Variants in TLNRD1 observed in about 807,000 individuals in gnomAD.
TLNRD1 encodes the protein talin rod domain-containing protein 1.
TLNRD1 carries 14 observed loss-of-function variants against 19.5 expected under a neutral mutation model. The observed-to-expected ratio is 0.72, with a 90% CI of 0.47 to 1.12. The LOEUF (loss-of-function observed/expected upper bound fraction) is 1.12. Ranked by LOEUF, TLNRD1 falls within the 50% of genes most tolerant of loss-of-function variation. The pLI is 0.00. For synonymous variants in TLNRD1, 345 were observed against 261.7 expected (o/e 1.32, Z -3.07); for missense variants, 569 against 531.9 (o/e 1.07, Z -0.69).
At position 81,003,288 on chromosome 15, in the gene TLNRD1, G is replaced by A. The variant is rs1200711605; in HGVS notation, c.1017G>A (p.Leu339=). The A allele has an allele frequency of 6.2e-7, 1 of 1,611,652 alleles. No individual in the cohort carries two copies. Among genetic ancestry groups the A allele is most frequent in the South Asian group, 1.1e-5 (1 of 90,558 alleles). ...SACAVSEGCT[L]LSQALRERSS... Reference sequence around the variant, plus strand: ...GCGCCGTGTCTGAAGGCTGCACCCTGCTATCTCAGGCTTTAAGGGAGAGGT... The same window carrying A: ...GCGCCGTGTCTGAAGGCTGCACCCTACTATCTCAGGCTTTAAGGGAGAGGT... The change falls in exon 1 of 1, where the codon CTG becomes CTA. Residue 339 remains leucine, a synonymous_variant. Coordinates refer to ENST00000267984, the MANE Select transcript of TLNRD1 (RefSeq NM_022566.3).
rs751041111 is a variant in TLNRD1, at chr15:81,003,368, C to T, written c.*8C>T. 3.8e-5 allele frequency: 60 copies of T among 1,580,496 alleles called. No homozygotes were observed. The East Asian group carries it at 1.1e-3, about 29-fold the overall frequency. On this transcript the variant is annotated 3_prime_UTR_variant, in exon 1 of 1. Transcript: ENST00000267984. ...TCCAATTCTGTGAATTAGCACCCCA[C>T]CCCCATACCCCTTCTTCCACCCCCA...
In TLNRD1 at chr15:81,002,828, G is replaced by T. The variant is rs769259302; in HGVS notation, c.557G>T (p.Gly186Val). The T allele has an allele frequency of 1.9e-6, 3 of 1,589,254 alleles. No individual in the cohort carries two copies. In the Admixed American group the frequency reaches 5.1e-5, roughly 27 times the overall value. The stretch of plus-strand genomic sequence containing the variant: ...CAGCTGCTGCTGGAGGTGTCGCAGG[G>T]CCTGTCGCGCAACCTCAAGTTCCTG... ...TPQLLLEVSQGLSRNLKFLTD... is the reference protein window; with the variant it reads ...TPQLLLEVSQVLSRNLKFLTD... Residue 186 changes from glycine to valine, a missense_variant, in exon 1 of 1, where the codon GGC (glycine) becomes GTC (valine). Gly to Val is a moderately radical substitution (Grantham distance 109). Coordinates refer to ENST00000267984, the MANE Select transcript of TLNRD1 (RefSeq NM_022566.3).
chr15:81,002,922 C>T lies in TLNRD1; in HGVS notation c.651C>T (p.Gly217=). 6.3e-7 allele frequency: 1 copy of T among 1,597,022 alleles called. No individual in the cohort carries two copies. The highest frequency in any genetic ancestry group is 8.5e-7 in the Non-Finnish European group (1 of 1,178,578). The change falls in exon 1 of 1, where the codon GGC becomes GGT. Residue 217 remains glycine (G), a synonymous_variant. Coordinates refer to ENST00000267984, the MANE Select transcript of TLNRD1 (RefSeq NM_022566.3). ...DRFSREQFKL[G]VKCMSTSASA... ...TTTCGCGGGAGCAGTTCAAGCTGGG[C>T]GTCAAGTGCATGAGCACCAGCGCGT...
chr15:81,002,461 G>A lies in TLNRD1; in HGVS notation c.190G>A (p.Gly64Ser). 1 of 1,522,016 alleles carries A rather than the reference G, an allele frequency of 6.6e-7. No homozygotes were observed. The highest frequency in any genetic ancestry group is 8.8e-7 in the Non-Finnish European group (1 of 1,141,170). 94.3% of individuals were successfully genotyped at this position (1,522,016 alleles called of 1,614,324 possible). The change falls in exon 1 of 1, where the codon GGC (glycine) becomes AGC (serine). Residue 64 changes from glycine to serine, a missense_variant. Physicochemically the swap from Gly to Ser is moderately conservative, Grantham distance 56. Coordinates refer to ENST00000267984, the MANE Select transcript of TLNRD1 (RefSeq NM_022566.3). ...SSEARPVLFE[G>S]PASSGAGAES... ...CGAGGCGCGGCCCGTGCTCTTCGAG[G>A]GCCCCGCCTCCTCTGGTGCCGGCGC...
At position 81,003,427 on chromosome 15, in the gene TLNRD1, C is replaced by T; in HGVS notation, c.*67C>T. ...GAAGATACTTACTCTCTGCCCCTCT[C>T]CATTTATACCAAAGAAATCATAGGT... On this transcript the variant is annotated 3_prime_UTR_variant, in exon 1 of 1. Transcript: ENST00000267984. 1.4e-6 allele frequency: 2 copies of T among 1,458,026 alleles called. No individual in the cohort carries two copies. Among genetic ancestry groups the T allele is most frequent in the Admixed American group, 2.4e-5 (1 of 42,024 alleles). 90.3% of individuals were successfully genotyped at this position (1,458,026 alleles called of 1,614,324 possible).
In TLNRD1 at chr15:81,003,537, T is replaced by TG. The variant is rs1893454142; in HGVS notation, c.*179dup. On this transcript the variant is annotated 3_prime_UTR_variant, in exon 1 of 1. Transcript: ENST00000267984. ...CATGCACGCAACCTGCACACGCACTTGGAGGGCCCAGGTGTCTCTCCACCA... is the reference window on the plus strand; with the variant it reads ...CATGCACGCAACCTGCACACGCACTTGGGAGGGCCCAGGTGTCTCTCCACCA... 1 of 676,752 alleles carries TG rather than the reference T, an allele frequency of 1.5e-6. No homozygotes were observed. The highest frequency in any genetic ancestry group is 2.5e-6 in the Non-Finnish European group (1 of 405,154). 41.9% of individuals were successfully genotyped at this position (676,752 alleles called of 1,614,324 possible).
Position 81,002,557 on chromosome 15 carries a change from G to A in TLNRD1, c.286G>A (p.Val96Met). 1 of 1,461,780 alleles carries A rather than the reference G, an allele frequency of 6.8e-7. No individual in the cohort carries two copies. The highest frequency in any genetic ancestry group is 2.6e-5 in the East Asian group (1 of 38,490). The allele number at this position is 1,461,780 out of a possible 1,614,324, so 90.6% of individuals were successfully genotyped here. ...TKGLSILTHD[V>M]QSQLNMGRFG... is the part of the protein sequence containing the mutation. ...GGGGCTCTCCATCCTCACCCACGAC[G>A]TGCAGAGCCAGCTCAACATGGGCCG... Residue 96 changes from valine to methionine, a missense_variant, in exon 1 of 1, where the codon GTG (valine) becomes ATG (methionine). By Grantham distance (21) the Val-to-Met change is conservative. Coordinates refer to ENST00000267984, the MANE Select transcript of TLNRD1 (RefSeq NM_022566.3).
chr15:81,003,632 A>C lies in TLNRD1; in HGVS notation c.*272A>C. On this transcript the variant is annotated 3_prime_UTR_variant, in exon 1 of 1. Coordinates refer to ENST00000267984, the MANE Select transcript of TLNRD1 (RefSeq NM_022566.3). ...TGTTATCACTCCCACCCCCTACCCCAGCCCGTCTTCCGGAATTTCTCAACT... is the reference window on the plus strand; with the variant it reads ...TGTTATCACTCCCACCCCCTACCCCCGCCCGTCTTCCGGAATTTCTCAACT... 1 of 365,162 alleles carries C rather than the reference A, an allele frequency of 2.7e-6. No individual in the cohort carries two copies. Among genetic ancestry groups the C allele is most frequent in the Non-Finnish European group, 5.1e-6 (1 of 195,716 alleles). The allele number at this position is 365,162 out of a possible 1,614,324, so 22.6% of individuals were successfully genotyped here.
In TLNRD1 at chr15:81,002,165, C is replaced by A; in HGVS notation, c.-107C>A. ...GCATGATGGTGCGGGGAAGGCACCG[C>A]GGCCTTGGCCAGCTGAGTCGCGACG... On this transcript the variant is annotated 5_prime_UTR_variant, in exon 1 of 1. Coordinates refer to ENST00000267984, the MANE Select transcript of TLNRD1 (RefSeq NM_022566.3). 1 of 1,147,530 alleles carries A rather than the reference C, an allele frequency of 8.7e-7. No homozygotes were observed. The highest frequency in any genetic ancestry group is 1.1e-6 in the Non-Finnish European group (1 of 920,958). 71.1% of individuals were successfully genotyped at this position (1,147,530 alleles called of 1,614,324 possible).
Position 81,003,857 on chromosome 15 carries a change from T to G in TLNRD1, c.*497T>G, listed in dbSNP as rs1431344608. 1 of 166,994 alleles carries G rather than the reference T, an allele frequency of 6.0e-6. No homozygotes were observed. The highest frequency in any genetic ancestry group is 6.6e-5 in the Admixed American group (1 of 15,266). 10.3% of individuals were successfully genotyped at this position (166,994 alleles called of 1,614,324 possible). On this transcript the variant is annotated 3_prime_UTR_variant, in exon 1 of 1. Coordinates refer to ENST00000267984, the MANE Select transcript of TLNRD1 (RefSeq NM_022566.3). The stretch of plus-strand genomic sequence containing the variant: ...GTGTGGAAAGAGTATGAATTTGCCA[T>G]GTGATTTGCAAATGGGGGGAAGCTA...
In TLNRD1 at chr15:81,003,063, C is replaced by T. The variant is rs1002817227; in HGVS notation, c.792C>T (p.Phe264=). The change falls in exon 1 of 1, where the codon TTC becomes TTT. Residue 264 remains phenylalanine, a synonymous_variant. Transcript: ENST00000267984. The part of the protein sequence containing the change: ...LVQAVSALVG[F]ATEPQFLGRA... ...AGGCAGTGAGCGCCCTGGTAGGCTTCGCCACCGAGCCGCAGTTCCTGGGTC... is the reference window on the plus strand; with the variant it reads ...AGGCAGTGAGCGCCCTGGTAGGCTTTGCCACCGAGCCGCAGTTCCTGGGTC... 7.8e-6 allele frequency: 12 copies of T among 1,546,228 alleles called. No individual in the cohort carries two copies. Among genetic ancestry groups the T allele is most frequent in the East Asian group, 2.4e-5 (1 of 41,356 alleles).
In TLNRD1 at chr15:81,002,389, T is replaced by C; in HGVS notation, c.118T>C (p.Cys40Arg). ...RKRLVSVCDH[C>R]KGKMQLVADL... ...GAGGCTGGTATCCGTCTGCGACCAC[T>C]GCAAGGGCAAGATGCAGCTGGTGGC... The change falls in exon 1 of 1, where the codon TGC becomes CGC. Residue 40 changes from cysteine (C) to arginine (R), a missense_variant. By Grantham distance (180) the Cys-to-Arg change is radical. Coordinates refer to ENST00000267984, the MANE Select transcript of TLNRD1 (RefSeq NM_022566.3). 1 of 1,549,620 alleles carries C rather than the reference T, an allele frequency of 6.5e-7. No individual in the cohort carries two copies. The highest frequency in any genetic ancestry group is 8.7e-7 in the Non-Finnish European group (1 of 1,155,372).
chr15:81,002,858 A>C lies in TLNRD1; in HGVS notation c.587A>C (p.Asp196Ala), dbSNP rs1893436545. ...GLSRNLKFLTDACALASDKSR... is the reference protein window; with the variant it reads ...GLSRNLKFLTAACALASDKSR... The stretch of plus-strand genomic sequence containing the variant: ...TCGCGCAACCTCAAGTTCCTGACGG[A>C]CGCGTGCGCCCTGGCCAGTGACAAG... The change falls in exon 1 of 1, where the codon GAC becomes GCC. Residue 196 changes from aspartate (D) to alanine (A), a missense_variant. Coordinates refer to ENST00000267984, the MANE Select transcript of TLNRD1 (RefSeq NM_022566.3). 1 of 1,595,822 alleles carries C rather than the reference A, an allele frequency of 6.3e-7. No individual in the cohort carries two copies. Among genetic ancestry groups the C allele is most frequent in the Non-Finnish European group, 8.5e-7 (1 of 1,178,258 alleles).
Position 81,002,363 on chromosome 15 carries a change from A to T in TLNRD1, c.92A>T (p.Lys31Met). Residue 31 changes from lysine to methionine, a missense_variant, in exon 1 of 1, where the codon AAG becomes ATG. Lys to Met is a moderately conservative substitution (Grantham distance 95, BLOSUM62 -1). Transcript: ENST00000267984. The stretch of plus-strand genomic sequence containing the variant: ...GGCGGGGCCAGCTCGCAGCCGCGGA[A>T]GAGGCTGGTATCCGTCTGCGACCAC... ...AIGGASSQPR[K>M]RLVSVCDHCK... 1 of 1,464,024 alleles carries T rather than the reference A, an allele frequency of 6.8e-7. No individual in the cohort carries two copies. Among genetic ancestry groups the T allele is most frequent in the Non-Finnish European group, 9.0e-7 (1 of 1,106,178 alleles). The allele number at this position is 1,464,024 out of a possible 1,614,324, so 90.7% of individuals were successfully genotyped here.
Position 81,002,313 on chromosome 15 carries a change from T to C in TLNRD1, c.42T>C (p.Ala14=). The change falls in exon 1 of 1, where the codon GCT becomes GCC. Residue 14 remains alanine, a synonymous_variant. Coordinates refer to ENST00000267984, the MANE Select transcript of TLNRD1 (RefSeq NM_022566.3). The part of the protein sequence containing the change: ...GSAGKPTGEA[A]SPAPASAIGG... ...CCGGGAAGCCCACTGGCGAGGCGGC[T>C]TCTCCGGCTCCTGCGAGCGCCATCG... 2 of 1,376,490 alleles carry C rather than the reference T, an allele frequency of 1.5e-6. No individual in the cohort carries two copies. The highest frequency in any genetic ancestry group is 2.9e-5 in the Admixed American group (1 of 34,194). 85.3% of individuals were successfully genotyped at this position (1,376,490 alleles called of 1,614,324 possible). A position where few individuals can be genotyped will look rare whatever the true frequency, so the allele number is the denominator to read the frequency against.
At position 81,002,102 on chromosome 15, in the gene TLNRD1, C is replaced by A; in HGVS notation, c.-170C>A. On this transcript the variant is annotated 5_prime_UTR_variant, in exon 1 of 1. Coordinates refer to ENST00000267984, the MANE Select transcript of TLNRD1 (RefSeq NM_022566.3). ...CACCCCGCGCCGCCCGGGCTCCCGC[C>A]GCCGCAGCCCAGTGCCCTCTGCCCG... The A allele has an allele frequency of 1.3e-6, 1 of 744,096 alleles. No individual in the cohort carries two copies. Among genetic ancestry groups the A allele is most frequent in the African/African-American group, 1.9e-5 (1 of 53,992 alleles). The allele number at this position is 744,096 out of a possible 1,614,324, so 46.1% of individuals were successfully genotyped here.
chr15:81,003,473 A>C lies in TLNRD1; in HGVS notation c.*113A>C. 3.7e-5 allele frequency: 42 copies of C among 1,144,450 alleles called. No homozygotes were observed. The highest frequency in any genetic ancestry group is 2.4e-4 in the Middle Eastern group (1 of 4,172). 70.9% of individuals were successfully genotyped at this position (1,144,450 alleles called of 1,614,324 possible). A position where few individuals can be genotyped will look rare whatever the true frequency, so the allele number is the denominator to read the frequency against. On this transcript the variant is annotated 3_prime_UTR_variant, in exon 1 of 1. Transcript: ENST00000267984. ...TAGGTGAAACCCCCTACCCTCCCCAACGTTAAATGCTCGAGAGGAATCTTC... is the reference window on the plus strand; with the variant it reads ...TAGGTGAAACCCCCTACCCTCCCCACCGTTAAATGCTCGAGAGGAATCTTC...
At position 81,002,614 on chromosome 15, in the gene TLNRD1, C is replaced by T. The variant is rs753404857; in HGVS notation, c.343C>T (p.Leu115=). Residue 115 remains leucine (L), a synonymous_variant, in exon 1 of 1, where the codon CTG becomes TTG. Transcript: ENST00000267984. ...FGEAGDSLVE[L]GDLVVSLTEC... is the part of the protein sequence containing the mutation. ...GGAGGCGGGGGACAGCCTGGTGGAGCTGGGCGACCTGGTGGTGTCGCTGAC... is the reference window on the plus strand; with the variant it reads ...GGAGGCGGGGGACAGCCTGGTGGAGTTGGGCGACCTGGTGGTGTCGCTGAC... 6.7e-7 allele frequency: 1 copy of T among 1,481,708 alleles called. No individual in the cohort carries two copies. Among genetic ancestry groups the T allele is most frequent in the Non-Finnish European group, 8.9e-7 (1 of 1,125,816 alleles). 91.8% of individuals were successfully genotyped at this position (1,481,708 alleles called of 1,614,324 possible). A position where few individuals can be genotyped will look rare whatever the true frequency, so the allele number is the denominator to read the frequency against.
chr15:81,004,659 T>C lies in TLNRD1; in HGVS notation c.*1299T>C, dbSNP rs1893469368. On this transcript the variant is annotated 3_prime_UTR_variant, in exon 1 of 1. Coordinates refer to ENST00000267984, the MANE Select transcript of TLNRD1 (RefSeq NM_022566.3). ...GGCCAAGGGCTTGTTTTTGTGACCT[T>C]GATCTAAGATAATGCCATGGTTGAT... is the stretch of plus-strand genomic sequence containing the variant. 6.0e-6 allele frequency: 1 copy of C among 167,134 alleles called. No individual in the cohort carries two copies. The highest frequency in any genetic ancestry group is 1.5e-5 in the Non-Finnish European group (1 of 68,122). 10.4% of individuals were successfully genotyped at this position (167,134 alleles called of 1,614,324 possible).
Sources: allele counts gnomAD v4.1 joint callset, GRCh38; gene constraint gnomAD v4.1.1; transcripts MANE v1.5; gene names NCBI Gene and HGNC (gene_info 2026-07-23, HGNC 2026-07-21).